The following UST variants were observed in gnomAD, a reference collection of about 807,000 sequenced individuals.
The protein encoded by UST is uronyl 2-sulfotransferase, also known as chondroitin sulfate 2-O-sulfotransferase.
UST carries 21 observed loss-of-function variants against 45.6 expected under a neutral mutation model. The observed-to-expected ratio is 0.46, with a 90% CI of 0.33 to 0.66. UST has a LOEUF of 0.66. Among genes scored for constraint, UST ranks in the 30% least tolerant of loss-of-function variants. The pLI, the probability that UST is intolerant of heterozygous loss-of-function variation, is 0.02. For synonymous variants in UST, 215 were observed against 200.6 expected (o/e 1.07, Z -0.61); for missense variants, 463 against 512.4 (o/e 0.90, Z 0.93).
At chr6:148,869,269 A>G (rs1199713300) in intron 1 of UST, among the ~76,000 whole-genome samples, 2 of 152,194 alleles carry the variant, frequency 1.3e-5, no homozygotes, top group East Asian at 3.8e-4. Context: ...ATCCTTGTTT[A>G]TCTTCCAAAA....
At chr6:149,009,436 G>A (rs1367806975) in intron 5 of UST, among the ~76,000 whole-genome samples, 1 of 151,792 alleles carries the variant, frequency 6.6e-6, no homozygotes, top group Non-Finnish European at 1.5e-5. Flanking sequence ...TGAAAGACAT[G>A]AGTCCCCAGA....
At chr6:148,861,950 G>A (rs1778324773) in intron 1 of UST, among the ~76,000 whole-genome samples, 1 of 15,298 alleles carries the variant, frequency 6.5e-5, no homozygotes, top group Non-Finnish European at 9.0e-5. Flanking sequence ...AGTGTGATGT[G>A]TGCTGAGAAG....
intron 5 of UST, among the ~76,000 whole-genome samples, chr6:148,971,760 C>T (rs1296975310): frequency 1.3e-5 from 2 of 152,198 alleles, no homozygotes; most frequent in African/African-American, 4.8e-5. Context: ...CCTCCCAGAC[C>T]ATCTTAAAGA....
At chr6:148,783,717 A>G (rs1485914094) in intron 1 of UST, among the ~76,000 whole-genome samples, 1 of 152,212 alleles carries the variant, frequency 6.6e-6, no homozygotes, top group Non-Finnish European at 1.5e-5. Context: ...CTTAACGTGA[A>G]CACTTGGGAG....
chr6:149,023,873 G>T (rs1776014785), intron 7 of UST, among the ~76,000 whole-genome samples: 1 of 151,978 alleles, frequency 6.6e-6, no homozygotes, highest in Non-Finnish European at 1.5e-5. Context: ...AGAAATTATG[G>T]GCCTTTATTC....
chr6:149,032,587 T>A (rs1562334879), intron 7 of UST: 1 of 153,962 alleles, frequency 6.5e-6, no homozygotes, highest in African/African-American at 2.4e-5. Flanking sequence ...CCTGGCACCA[T>A]CCTCTGCTCT....
At chr6:148,900,522 A>T (rs1562294160) in intron 2 of UST, among the ~76,000 whole-genome samples, 1 of 152,118 alleles carries the variant, frequency 6.6e-6, no homozygotes, top group Non-Finnish European at 1.5e-5. Context: ...ACCATGTGAG[A>T]TGTGCCTTTC....
At chr6:148,820,541 C>T (rs1327594390) in intron 1 of UST, among the ~76,000 whole-genome samples, 4 of 152,048 alleles carry the variant, frequency 2.6e-5, no homozygotes, top group African/African-American at 7.2e-5. Flanking sequence ...AATGCATAAA[C>T]CCCATTAAAA....
At chr6:148,795,434 G>A (rs1161966393) in intron 1 of UST, among the ~76,000 whole-genome samples, 2 of 152,146 alleles carry the variant, frequency 1.3e-5, no homozygotes, top group Non-Finnish European at 2.9e-5. Flanking sequence ...TCTGATTTGT[G>A]ATACAAAGTA....
intron 5 of UST, among the ~76,000 whole-genome samples, chr6:148,969,628 G>A: frequency 6.6e-6 from 1 of 152,066 alleles, no homozygotes; most frequent in East Asian, 1.9e-4. Context: ...CCACCCCCTT[G>A]GCTCCGTTAC....
At chr6:149,013,527 A>G (rs1292522187) in intron 5 of UST, among the ~76,000 whole-genome samples, 1 of 101,954 alleles carries the variant, frequency 9.8e-6, no homozygotes, top group Admixed American at 8.8e-5. Context: ...ACTCTGTCTC[A>G]AAAAAAAAAG....
chr6:148,906,024 G>A lies in UST; in HGVS notation c.291+18995G>A, dbSNP rs146583021. ...GGCTTAATGGATATGTACTAATTAT[G>A]TGTACCTAGAGGAATCCTTTCATCT... On this transcript the variant is annotated intron_variant, in intron 2 of 7. Coordinates refer to ENST00000367463, the MANE Select transcript of UST (RefSeq NM_005715.3). 6.0e-3 allele frequency among the ~76,000 whole-genome samples: 899 copies of A among 150,024 alleles called. 9 individuals carry two copies. Among genetic ancestry groups the A allele is most frequent in the African/African-American group, 0.021 (842 of 39,416 alleles).
intron 1 of UST, among the ~76,000 whole-genome samples, chr6:148,861,404 C>T (rs552614820): frequency 6.6e-6 from 1 of 152,098 alleles, no homozygotes; most frequent in South Asian, 2.1e-4. Context: ...CTTTATTAGT[C>T]TTGCTAGCGG....
intron 4 of UST, among the ~76,000 whole-genome samples, chr6:148,962,016 G>A (rs977407934): frequency 2.0e-5 from 3 of 152,176 alleles, no homozygotes; most frequent in African/African-American, 4.8e-5. Flanking sequence ...CCAATTTGGC[G>A]GAAGCTGTGT....
At chr6:148,992,986 C>G (rs1781384812) in intron 5 of UST, 1 of 985,082 alleles carries the variant, frequency 1.0e-6, no homozygotes. Context: ...ATCCACAGAC[C>G]CCTTTGGGCG....
chr6:148,835,961 A>G (rs1777779446), intron 1 of UST, among the ~76,000 whole-genome samples: 1 of 152,030 alleles, frequency 6.6e-6, no homozygotes, highest in Non-Finnish European at 1.5e-5. Context: ...ACTCAAGGAA[A>G]CCACCTTTTT....
intron 1 of UST, among the ~76,000 whole-genome samples, chr6:148,868,940 A>T (rs368107711): frequency 5.9e-5 from 9 of 152,300 alleles, no homozygotes; most frequent in African/African-American, 2.2e-4. Flanking sequence ...TAGTTTATAA[A>T]TGATGATTTT....
At chr6:148,796,797 CTTTTTTTTT>C (rs1195878764) in intron 1 of UST, among the ~76,000 whole-genome samples, 1 of 72,054 alleles carries the variant, frequency 1.4e-5, no homozygotes, top group Non-Finnish European at 2.4e-5. Context: ...TCTGATAATT[CTTTTTTTTT>C]TTTTTTTTTT....
intron 5 of UST, among the ~76,000 whole-genome samples, chr6:148,977,522 C>T (rs1295663156): frequency 8.6e-5 from 13 of 151,880 alleles, no homozygotes; most frequent in Admixed American, 3.9e-4. Flanking sequence ...GAGGCCAGGG[C>T]GGGCGGATCA....
Sources: allele counts gnomAD v4.1 joint callset (sites outside exome capture counted in the v4.1 genomes callset), GRCh38; gene constraint gnomAD v4.1.1; transcripts MANE v1.5; gene names NCBI Gene and HGNC (gene_info 2026-07-23, HGNC 2026-07-21).